The following C5 variants were observed in gnomAD, a reference collection of about 807,000 sequenced individuals.
The protein encoded by C5 is complement C5, also known as C3 and PZP-like alpha-2-macroglobulin domain-containing protein 4.
A neutral mutation model predicts 218.8 loss-of-function variants in C5; 140 were observed. The ratio of observed to expected loss-of-function variants is 0.64; its 90% CI spans 0.56 to 0.74. The LOEUF (loss-of-function observed/expected upper bound fraction) is 0.74, where lower values mean the gene tolerates loss of function less well. Ranked by LOEUF, C5 falls within the 30% of genes least tolerant of loss-of-function variation. C5 has a pLI of 0.00. For synonymous variants in C5, 614 were observed against 682.3 expected (o/e 0.90, Z 1.56); for missense variants, 1,700 against 1,969.6 (o/e 0.86, Z 2.59).
At chr9:120,970,136 GC>G (rs1409740703) in intron 32 of C5, 33 bp downstream of exon 32, 4 of 1,441,274 alleles carry the variant, frequency 2.8e-6, no homozygotes, top group Non-Finnish European at 3.9e-6. Flanking sequence ...TTTATTTTTA[GC>G]CAAAATTACA....
chr9:120,998,354 G>T (rs946324237), intron 20 of C5, among the ~76,000 whole-genome samples: 2 of 152,208 alleles, frequency 1.3e-5, no homozygotes, highest in African/African-American at 2.4e-5. Context: ...ATTGGGTACA[G>T]AGCTCATGCT....
intron 3 of C5, among the ~76,000 whole-genome samples, chr9:121,039,037 TC>T (rs987847180): frequency 6.6e-6 from 1 of 152,168 alleles, no homozygotes; most frequent in Non-Finnish European, 1.5e-5. Flanking sequence ...TTGGTTTCAC[TC>T]CTGCCTCTGC....
chr9:121,016,822 C>T (rs960675525), intron 14 of C5, among the ~76,000 whole-genome samples: 1 of 152,148 alleles, frequency 6.6e-6, no homozygotes, highest in East Asian at 1.9e-4. Flanking sequence ...TGGCTGAAGA[C>T]TTGTTTGGAC....
At chr9:121,007,643 T>C (rs2047226573) in intron 18 of C5, among the ~76,000 whole-genome samples, 2 of 152,210 alleles carry the variant, frequency 1.3e-5, no homozygotes, top group Admixed American at 1.3e-4. Context: ...GTTCATGCCT[T>C]TGAGGTATTT....
At chr9:121,002,254 G>GTATATATGTATATATATGTATATGTA (rs1564146515) in intron 20 of C5, among the ~76,000 whole-genome samples, 2 of 65,976 alleles carry the variant, frequency 3.0e-5, no homozygotes, top group African/African-American at 6.6e-5. Context: ...GTATATATAT[G>GTATATATGTATATATATGTATATGTA]TATATATGTA....
At chr9:121,035,270 G>A (rs1742917309) in intron 4 of C5, among the ~76,000 whole-genome samples, 1 of 152,086 alleles carries the variant, frequency 6.6e-6, no homozygotes, top group African/African-American at 2.4e-5. Context: ...ATAAACACCA[G>A]AATCTAATTT....
chr9:120,999,948 A>C (rs1353052762), intron 20 of C5: 1 of 445,982 alleles, frequency 2.2e-6, no homozygotes, highest in Non-Finnish European at 4.5e-6. Context: ...AATCCCAGCT[A>C]CTTGGGAGGC....
intron 36 of C5, 91 bp downstream of exon 36, chr9:120,962,580 A>C: frequency 1.0e-6 from 1 of 1,003,432 alleles, no homozygotes; most frequent in Non-Finnish European, 1.6e-6. Context: ...GAGGCAATAC[A>C]TAAAATTTAC....
the C5 span, among the ~76,000 whole-genome samples, chr9:121,070,018 T>C: frequency 1.3e-5 from 2 of 152,124 alleles, no homozygotes; most frequent in Non-Finnish European, 2.9e-5. Context: ...CTATTCATAA[T>C]AGCCAAGACA....
chr9:120,973,864 G>C (rs938457713), intron 30 of C5, among the ~76,000 whole-genome samples: 1 of 151,882 alleles, frequency 6.6e-6, no homozygotes, highest in South Asian at 2.1e-4. Context: ...CTATAATCCC[G>C]CCTGCTTTGG....
At chr9:121,053,110 T>C (rs1025934485), upstream of C5, among the ~76,000 whole-genome samples, 1 of 152,180 alleles carries the variant, frequency 6.6e-6, no homozygotes, top group Non-Finnish European at 1.5e-5. Context: ...CCCCAGGTAA[T>C]TTTCATGTGC....
At chr9:121,039,788 A>G (rs933452769) in intron 3 of C5, among the ~76,000 whole-genome samples, 28 of 152,124 alleles carry the variant, frequency 1.8e-4, no homozygotes, top group Non-Finnish European at 3.5e-4. Context: ...AGCTGGGACT[A>G]CAGGCACCCA....
At chr9:121,074,423 C>A in the C5 span, among the ~76,000 whole-genome samples, 5 of 152,236 alleles carry the variant, frequency 3.3e-5, no homozygotes, top group African/African-American at 7.2e-5. Context: ...CCCTGAACCT[C>A]ACGCGACAGC....
the C5 span, among the ~76,000 whole-genome samples, chr9:121,061,504 T>C: frequency 2.0e-5 from 3 of 152,128 alleles, no homozygotes; most frequent in Non-Finnish European, 2.9e-5. Context: ...GCCAAGATCA[T>C]ACCACTGCAC....
chr9:121,030,092 T>A (rs555775743), intron 7 of C5, among the ~76,000 whole-genome samples: 38 of 152,312 alleles, frequency 2.5e-4, no homozygotes, highest in Non-Finnish European at 3.8e-4. Context: ...AGGAAGTGAA[T>A]CCTTCATATC....
intron 22 of C5, among the ~76,000 whole-genome samples, chr9:120,995,729 A>G (rs2047111064): frequency 6.6e-6 from 1 of 152,002 alleles, no homozygotes; most frequent in Non-Finnish European, 1.5e-5. Flanking sequence ...TTCAAAATTA[A>G]TGGAATTATT....
intron 10 of C5, among the ~76,000 whole-genome samples, chr9:121,021,938 A>G (rs1170342620): frequency 1.3e-5 from 2 of 151,748 alleles, no homozygotes; most frequent in East Asian, 3.9e-4. Context: ...CTCCCACCTC[A>G]GCCTCCCAAG....
intron 17 of C5, among the ~76,000 whole-genome samples, chr9:121,013,318 G>GAA (rs138938912): frequency 8.4e-4 from 83 of 99,228 alleles, no homozygotes; most frequent in African/African-American, 2.2e-3. Context: ...GATTCCTACT[G>GAA]AAAAAAAAAA....
At position 120,981,876 on chromosome 9, in the gene C5, T is replaced by C; in HGVS notation, c.3454A>G (p.Ile1152Val). 1 of 1,613,974 alleles carries C rather than the reference T, an allele frequency of 6.2e-7. No homozygotes were observed. Reference protein sequence around the residue: ...LYLTAFTVIGIRKAFDICPLV... With the variant: ...LYLTAFTVIGVRKAFDICPLV... ...GGGCATATATCGAAAGCCTTTCTAA[T>C]TCCAATCACAGTAAAGGCTGTAAGA... Residue 1152 changes from isoleucine to valine, a missense_variant, in exon 27 of 41, where the codon ATT (isoleucine) becomes GTT (valine). By Grantham distance (29) the Ile-to-Val change is conservative. Transcript: ENST00000223642.
Sources: gnomAD v4.1 joint callset for allele counts (sites outside exome capture counted in the v4.1 genomes callset) on GRCh38, gnomAD v4.1.1 for gene constraint, MANE v1.5 for transcripts, NCBI Gene and HGNC (gene_info 2026-07-23, HGNC 2026-07-21) for gene names.